ZDHHC5: variants seen among roughly 807,000 people sequenced by gnomAD.
The protein encoded by ZDHHC5 is zDHHC palmitoyltransferase 5.
A neutral mutation model predicts 70.0 loss-of-function variants in ZDHHC5; 22 were observed. The ratio of observed to expected loss-of-function variants is 0.31; its 90% confidence interval spans 0.22 to 0.45. ZDHHC5 has a LOEUF of 0.45. Among genes scored for constraint, ZDHHC5 ranks in the 20% least tolerant of loss-of-function variants. The probability of loss-of-function intolerance (pLI) is 1.00; values close to 1 mark genes in which losing one functional copy is unlikely to be tolerated. For synonymous variants in ZDHHC5, 313 were observed against 347.8 expected, an observed-to-expected ratio of 0.90 and a Z score of 1.11; for missense variants, 746 against 926.9, an observed-to-expected ratio of 0.80 and a Z score of 2.53.
intron 2 of ZDHHC5, chr11:57,681,568 C>G (rs1946150583): frequency 6.6e-6 from 1 of 152,202 alleles, no homozygotes; most frequent in African/African-American, 2.4e-5. Flanking sequence ...AAAGGAAGAG[C>G]TCTTGAAGCA....
intron 2 of ZDHHC5, among the ~76,000 whole-genome samples, chr11:57,673,994 G>A (rs1946039402): frequency 6.6e-6 from 1 of 152,192 alleles, no homozygotes. Context: ...ACCAATGAGA[G>A]AGTTTTGGCT....
intron 3 of ZDHHC5, among the ~76,000 whole-genome samples, chr11:57,685,286 T>C (rs1406218564): frequency 6.6e-6 from 1 of 152,246 alleles, no homozygotes; most frequent in Non-Finnish European, 1.5e-5. Context: ...AATGAGCCTT[T>C]AATGTTCATT....
intron 1 of ZDHHC5, among the ~76,000 whole-genome samples, chr11:57,670,008 C>T (rs1945984532): frequency 1.3e-5 from 2 of 152,094 alleles, no homozygotes. Context: ...AATTGCATGG[C>T]CTTTCATGAC....
chr11:57,698,340 G>C (rs936479444), intron 10 of ZDHHC5, among the ~76,000 whole-genome samples: 1 of 152,174 alleles, frequency 6.6e-6, no homozygotes, highest in Non-Finnish European at 1.5e-5. Context: ...GCCCACGGGC[G>C]AGATACTCAG....
At chr11:57,693,145 C>G (rs1946307095) in intron 7 of ZDHHC5, among the ~76,000 whole-genome samples, 1 of 151,992 alleles carries the variant, frequency 6.6e-6, no homozygotes, top group African/African-American at 2.4e-5. Context: ...CTTCTCTACT[C>G]AAAATACAAA....
In ZDHHC5 at chr11:57,698,955, G is replaced by A. The variant is rs1383156086; in HGVS notation, c.1519G>A (p.Ala507Thr). ...CTCTCCCTTCCTGTCAGCCAGGCTG[G>A]CCCAGCAACGGGAAGCTGAGAGGCA... ...YTSPFLSARL[A>T]QQREAERHPR... is the part of the protein sequence containing the mutation. Residue 507 changes from alanine (A) to threonine (T), a missense_variant, in exon 11 of 12, where the codon GCC becomes ACC. By Grantham distance (58) the Ala-to-Thr change is moderately conservative. Coordinates refer to ENST00000287169, the MANE Select transcript of ZDHHC5 (RefSeq NM_015457.3). The A allele has an allele frequency of 6.2e-7, 1 of 1,613,288 alleles. No individual in the cohort carries two copies. The highest frequency in any genetic ancestry group is 1.7e-5 in the Admixed American group (1 of 60,024).
At chr11:57,673,866 TG>T (rs2135377919) in intron 2 of ZDHHC5, among the ~76,000 whole-genome samples, 1 of 152,340 alleles carries the variant, frequency 6.6e-6, no homozygotes, top group South Asian at 2.1e-4. Context: ...GCCACCATGC[TG>T]GGCCGACTAA....
chr11:57,699,526 GT>G, intron 11 of ZDHHC5, 108 bp downstream of exon 11: 1 of 1,456,884 alleles, frequency 6.9e-7, no homozygotes, highest in Non-Finnish European at 9.1e-7. Context: ...GGACCCAGGG[GT>G]ATCCTGGTAG....
At position 57,692,771 on chromosome 11, in the gene ZDHHC5, G is replaced by A. The variant is rs2135399392; in HGVS notation, c.752+69G>A. ...TTTTATCTTCTTTGGGCTTGTTCTG[G>A]TAAAGGAGGGGTCTGGTGAGAGCCT... is the stretch of plus-strand genomic sequence containing the variant. On this transcript the variant is annotated intron_variant, in intron 7 of 11. Transcript: ENST00000287169. 5 of 1,529,852 alleles carry A rather than the reference G, an allele frequency of 3.3e-6. No homozygotes were observed. In the South Asian group the frequency reaches 4.6e-5, roughly 14 times the overall value. The allele number at this position is 1,529,852 out of a possible 1,614,324, so 94.8% of individuals were successfully genotyped here. A position where few individuals can be genotyped will look rare whatever the true frequency, so the allele number is the denominator to read the frequency against.
intron 9 of ZDHHC5, 150 bp downstream of exon 9, chr11:57,696,193 A>G (rs1339026547): frequency 3.4e-5 from 45 of 1,318,562 alleles, no homozygotes; most frequent in Non-Finnish European, 4.4e-5. Context: ...CTACTTTGCA[A>G]CTGAAAGAGA....
rs1165647820 is a variant in ZDHHC5 at position 57,696,015 on chromosome 11, A to C, written c.981A>C (p.Arg327=). ...KPDLSRYTGL[R]THLGLATNED... ...ACCTGAGCCGTTACACAGGGTTGCG[A>C]ACACACCTCGGCTTGGCTACTAATG... The change falls in exon 9 of 12, where the codon CGA becomes CGC. Residue 327 remains arginine, a synonymous_variant. Coordinates refer to ENST00000287169, the MANE Select transcript of ZDHHC5 (RefSeq NM_015457.3). The C allele has an allele frequency of 6.2e-7, 1 of 1,613,900 alleles. No individual in the cohort carries two copies. The highest frequency in any genetic ancestry group is 1.3e-5 in the African/African-American group (1 of 74,894).
chr11:57,696,998 C>T (rs1269231121), intron 10 of ZDHHC5, 125 bp downstream of exon 10: 48 of 940,734 alleles, frequency 5.1e-5, no homozygotes, highest in East Asian at 8.5e-5. Context: ...AGATTGAGAC[C>T]GTCCTGGCCA....
At chr11:57,689,526 C>T (rs1020066413) in intron 4 of ZDHHC5, among the ~76,000 whole-genome samples, 29 of 151,976 alleles carry the variant, frequency 1.9e-4, no homozygotes, top group African/African-American at 3.6e-4. Context: ...TACAGGCACG[C>T]GCTACCACGC....
intron 9 of ZDHHC5, 144 bp from the exon 10 acceptor site, chr11:57,696,617 C>G: frequency 1.5e-6 from 1 of 680,530 alleles, no homozygotes. Flanking sequence ...ACTCAGGAGG[C>G]TGAGGTGGGA....
intron 8 of ZDHHC5, among the ~76,000 whole-genome samples, chr11:57,694,703 C>G (rs573825322): frequency 6.6e-5 from 10 of 152,294 alleles, no homozygotes; most frequent in African/African-American, 2.4e-4. Flanking sequence ...AAAATGAATT[C>G]ATTCATTTCC....
chr11:57,698,134 CACACACACACACACAA>C (rs1453313773), intron 10 of ZDHHC5, among the ~76,000 whole-genome samples: 1 of 151,762 alleles, frequency 6.6e-6, no homozygotes, highest in Non-Finnish European at 1.5e-5. Context: ...CACACACACA[CACACACACACACACAA>C]ACAAATGCCA....
At position 57,696,808 on chromosome 11, in the gene ZDHHC5, A is replaced by C. The variant is rs1177842166; in HGVS notation, c.1057A>C (p.Lys353Gln). Residue 353 changes from lysine to glutamine, a missense_variant, in exon 10 of 12, where the codon AAG (lysine) becomes CAG (glutamine). Coordinates refer to ENST00000287169, the MANE Select transcript of ZDHHC5 (RefSeq NM_015457.3). The stretch of plus-strand genomic sequence containing the variant: ...CAGCCCCCCGACACCTACCATGTAC[A>C]AGTATCGGCCGGGTTACAGTAGCAG... ...KDSPPTPTMY[K>Q]YRPGYSSSST... 15 of 1,614,098 alleles carry C rather than the reference A, an allele frequency of 9.3e-6. No homozygotes were observed. Among genetic ancestry groups the C allele is most frequent in the Non-Finnish European group, 1.3e-5 (15 of 1,179,944 alleles).
At chr11:57,697,462 C>CA (rs547345299) in intron 10 of ZDHHC5, among the ~76,000 whole-genome samples, 48 of 140,994 alleles carry the variant, frequency 3.4e-4, no homozygotes, top group East Asian at 1.0e-3. Flanking sequence ...GACCGCATCT[C>CA]AAAAAAAAAA....
intron 2 of ZDHHC5, among the ~76,000 whole-genome samples, chr11:57,679,201 G>A (rs1469084629): frequency 2.0e-5 from 3 of 151,690 alleles, no homozygotes; most frequent in Admixed American, 6.6e-5. Context: ...TGGCTTTTAC[G>A]CCCAGGCTGT....
Sources: gnomAD v4.1 joint callset for allele counts (sites outside exome capture counted in the v4.1 genomes callset) on GRCh38, gnomAD v4.1.1 for gene constraint, MANE v1.5 for transcripts, NCBI Gene and HGNC (gene_info 2026-07-23, HGNC 2026-07-21) for gene names.